Variants in NTN5 observed in about 807,000 individuals in gnomAD.
The protein encoded by NTN5 is netrin 5.
Under a neutral mutation model 38.7 loss-of-function variants are expected in NTN5, and 42 were observed. That is an observed-to-expected ratio of 1.08 (90% confidence interval 0.85 to 1.40). The LOEUF (loss-of-function observed/expected upper bound fraction) is 1.40, where lower values mean the gene tolerates loss of function less well. Among genes scored for constraint, NTN5 ranks in the 40% most tolerant of loss-of-function variants. The pLI, the probability that NTN5 is intolerant of heterozygous loss-of-function variation, is 0.00. For missense variants in NTN5, 658 were observed against 716.5 expected (o/e 0.92, Z 0.93); for synonymous variants, 329 against 303.9 (o/e 1.08, Z -0.86).
chr19:48,669,902 A>G (rs1173983777), intron 2 of NTN5, among the ~76,000 whole-genome samples: 2 of 137,502 alleles, frequency 1.5e-5, no homozygotes, highest in African/African-American at 2.8e-5. Context: ...CACCACCACC[A>G]TCACCACCAC....
rs1008868424 is a variant in NTN5 at position 48,664,833 on chromosome 19, T to C, written c.632-66A>G. The stretch of plus-strand genomic sequence containing the variant: ...TGCTGCTCCCCAGTCCTCAGCTTTC[T>C]TCCCATGGCCCTGCCCTCATGAAAG... On this transcript the variant is annotated intron_variant, in intron 2 of 6. Coordinates refer to ENST00000270235, the MANE Select transcript of NTN5 (RefSeq NM_145807.4). The C allele has an allele frequency of 1.5e-4, 208 of 1,377,966 alleles. 1 individual carries two copies. The Middle Eastern group carries it at 2.6e-3, about 17-fold the overall frequency. 85.4% of individuals were successfully genotyped at this position (1,377,966 alleles called of 1,614,324 possible). A position where few individuals can be genotyped will look rare whatever the true frequency, so the allele number is the denominator to read the frequency against.
chr19:48,670,008 CCAT>C (rs1568452887), intron 2 of NTN5, among the ~76,000 whole-genome samples: 23 of 123,474 alleles, frequency 1.9e-4, no homozygotes, highest in South Asian at 2.9e-4. Context: ...ACCATCACCA[CCAT>C]CATCACCACC....
rs1313239993 is a variant in NTN5 at position 48,664,163 on chromosome 19, G to A, written c.950C>T (p.Ser317Phe). ...CTTACGCTGGCAGGGCATCCTGGGG[G>A]AGCGGCTCTGCTGGTAGCCAGGGCC... is the stretch of plus-strand genomic sequence containing the variant. ...RCGPGYQQSR[S>F]PRMPCQRIPE... Residue 317 changes from serine to phenylalanine, a missense_variant, in exon 4 of 7, where the codon TCC becomes TTC. Coordinates refer to ENST00000270235, the MANE Select transcript of NTN5 (RefSeq NM_145807.4). 6.2e-7 allele frequency: 1 copy of A among 1,608,254 alleles called. No homozygotes were observed. Among genetic ancestry groups the A allele is most frequent in the Non-Finnish European group, 8.5e-7 (1 of 1,177,706 alleles).
chr19:48,663,385 GC>G, intron 6 of NTN5, 77 bp downstream of exon 6: 1 of 1,230,754 alleles, frequency 8.1e-7, no homozygotes, highest in Non-Finnish European at 1.2e-6. Flanking sequence ...AAAGTGGAAG[GC>G]CAGAAAGGGG....
chr19:48,662,539 T>C (rs1434973105), intron 6 of NTN5: 1 of 152,838 alleles, frequency 6.5e-6, no homozygotes, highest in Non-Finnish European at 1.5e-5. Context: ...TGATCTCAAC[T>C]CACTGCAGCC....
At chr19:48,662,156 A>G in intron 6 of NTN5, 115 bp from the exon 7 acceptor site, 1 of 1,127,386 alleles carries the variant, frequency 8.9e-7, no homozygotes, top group Non-Finnish European at 1.2e-6. Flanking sequence ...GGCTTCTGGT[A>G]TCGCAGTGGG....
chr19:48,669,682 C>T (rs1293257836), intron 2 of NTN5, among the ~76,000 whole-genome samples: 6 of 130,498 alleles, frequency 4.6e-5, no homozygotes, highest in Admixed American at 1.5e-4. Flanking sequence ...ATCATCACCA[C>T]CATCACCACC....
In NTN5 at chr19:48,662,025, C is replaced by A. The variant is rs1051867306; in HGVS notation, c.1122G>T (p.Val374=). 2.0e-6 allele frequency: 3 copies of A among 1,482,128 alleles called. No individual in the cohort carries two copies. In the African/African-American group the frequency reaches 4.4e-5, roughly 22 times the overall value. 91.8% of individuals were successfully genotyped at this position (1,482,128 alleles called of 1,614,324 possible). ...CCGGGCCCGCCGCCTCGGACGCTAG[C>A]ACCTGCGCGCGGAGAACTGTGGGGA... The part of the protein sequence containing the change: ...CQQDHVLRAQ[V]LASEAAGPAW... The change falls in exon 7 of 7, where the codon GTG becomes GTT. Residue 374 remains valine, a synonymous_variant. Coordinates refer to ENST00000270235, the MANE Select transcript of NTN5 (RefSeq NM_145807.4).
Position 48,670,444 on chromosome 19 carries a change from G to A in NTN5, c.543C>T (p.Thr181=), listed in dbSNP as rs768560751. Residue 181 remains threonine, a synonymous_variant, in exon 2 of 7, where the codon ACC becomes ACT. Coordinates refer to ENST00000270235, the MANE Select transcript of NTN5 (RefSeq NM_145807.4). The part of the protein sequence containing the change: ...RPPRCHCRHH[T]TGPGCESCRP... ...GGCAGCTCTCGCACCCCGGGCCAGT[G>A]GTATGGTGGCGGCAGTGGCAGCGGG... 211 of 1,472,380 alleles carry A rather than the reference G, an allele frequency of 1.4e-4. No individual in the cohort carries two copies. The highest frequency in any genetic ancestry group is 1.9e-4 in the Non-Finnish European group (207 of 1,112,700). 91.2% of individuals were successfully genotyped at this position (1,472,380 alleles called of 1,614,324 possible).
intron 1 of NTN5, among the ~76,000 whole-genome samples, chr19:48,672,012 C>T (rs73583708): frequency 0.023 from 3,535 of 152,138 alleles, 127 homozygotes; most frequent in African/African-American, 0.079. Flanking sequence ...GTGTGGGGAC[C>T]GGAAGTTAGC....
At position 48,670,577 on chromosome 19, in the gene NTN5, T is replaced by C. The variant is rs764251364; in HGVS notation, c.410A>G (p.His137Arg). 7.7e-6 allele frequency: 12 copies of C among 1,565,656 alleles called. No individual in the cohort carries two copies. The highest frequency in any genetic ancestry group is 8.7e-6 in the Non-Finnish European group (10 of 1,155,810). ...CTGGCCCCCAAACTCCACACGGAGG[T>C]GGCTGGCCGCCACAGTGGCCTTAGG... ...PGPKATVAAS[H>R]LRVEFGGQAG... is the part of the protein sequence containing the mutation. The change falls in exon 2 of 7, where the codon CAC becomes CGC. Residue 137 changes from histidine (H) to arginine (R), a missense_variant. By Grantham distance (29) the His-to-Arg change is conservative. Transcript: ENST00000270235.
rs749035893 is a variant in NTN5, at chr19:48,670,630, T to C, written c.357A>G (p.Glu119=). The C allele has an allele frequency of 6.2e-7, 1 of 1,601,540 alleles. No individual in the cohort carries two copies. The highest frequency in any genetic ancestry group is 1.7e-5 in the Admixed American group (1 of 58,112). Reference sequence around the variant, plus strand: ...CTGGTGTGGAGTGGAAGGTCACCCTTTCAGGGCCCCCTAAGGCCCCAGGCC... The same window carrying C: ...CTGGTGTGGAGTGGAAGGTCACCCTCTCAGGGCCCCCTAAGGCCCCAGGCC... ...PAWPGALGGP[E]RVTFHSTPGP... is the part of the protein sequence containing the mutation. The change falls in exon 2 of 7, where the codon GAA becomes GAG. Residue 119 remains glutamate, a synonymous_variant. Coordinates refer to ENST00000270235, the MANE Select transcript of NTN5 (RefSeq NM_145807.4).
chr19:48,669,686 CACCACCACCAT>C, intron 2 of NTN5, among the ~76,000 whole-genome samples: 1 of 118,712 alleles, frequency 8.4e-6, no homozygotes, highest in Non-Finnish European at 1.7e-5. Flanking sequence ...TCACCACCAT[CACCACCACCAT>C]CATCACCATC....
At chr19:48,663,994 C>G in intron 4 of NTN5, 149 bp downstream of exon 4, 2 of 1,184,718 alleles carry the variant, frequency 1.7e-6, no homozygotes, top group Admixed American at 5.1e-5. Context: ...GAATTTCAGT[C>G]CCTGCTTATC....
intron 2 of NTN5, among the ~76,000 whole-genome samples, chr19:48,668,172 C>T (rs1392684926): frequency 1.3e-5 from 2 of 152,062 alleles, no homozygotes; most frequent in South Asian, 2.1e-4. Context: ...GATGGAGCAG[C>T]GGATTGTTGC....
chr19:48,670,411 G>A lies in NTN5; in HGVS notation c.576C>T (p.Ser192=), dbSNP rs1225903215. 2 of 1,441,116 alleles carry A rather than the reference G, an allele frequency of 1.4e-6. No homozygotes were observed. The highest frequency in any genetic ancestry group is 1.8e-6 in the Non-Finnish European group (2 of 1,099,084). The allele number at this position is 1,441,116 out of a possible 1,614,324, so 89.3% of individuals were successfully genotyped here. A position where few individuals can be genotyped will look rare whatever the true frequency, so the allele number is the denominator to read the frequency against. ...TGPGCESCRP[S]HRDWPWRPAT... is the part of the protein sequence containing the mutation. ...CAGGCCGCCAGGGCCAGTCTCGATG[G>A]GACGGGCGGCAGCTCTCGCACCCCG... The change falls in exon 2 of 7, where the codon TCC becomes TCT. Residue 192 remains serine (S), a synonymous_variant. Coordinates refer to ENST00000270235, the MANE Select transcript of NTN5 (RefSeq NM_145807.4).
chr19:48,666,316 G>A (rs2031702783), intron 2 of NTN5, among the ~76,000 whole-genome samples: 1 of 152,140 alleles, frequency 6.6e-6, no homozygotes, highest in Non-Finnish European at 1.5e-5. Flanking sequence ...GTTTTAAGGT[G>A]GCTCTCAAAC....
chr19:48,669,192 T>TCAC (rs1475673899), intron 2 of NTN5, among the ~76,000 whole-genome samples: 1 of 19,090 alleles, frequency 5.2e-5, no homozygotes, highest in Non-Finnish European at 8.4e-5. Flanking sequence ...ACCACCATCA[T>TCAC]CACCACCATC....
intron 2 of NTN5, among the ~76,000 whole-genome samples, chr19:48,666,582 A>G (rs1049069623): frequency 2.6e-5 from 4 of 151,930 alleles, no homozygotes; most frequent in African/African-American, 9.6e-5. Context: ...CCAGATTGCA[A>G]GGCTCCTCCC....
Sources: allele counts gnomAD v4.1 joint callset (sites outside exome capture counted in the v4.1 genomes callset), GRCh38; gene constraint gnomAD v4.1.1; transcripts MANE v1.5; gene names NCBI Gene and HGNC (gene_info 2026-07-23, HGNC 2026-07-21).